CDYL2: variants seen among roughly 807,000 people sequenced by gnomAD.
The protein encoded by CDYL2 is chromodomain Y like 2.
A neutral mutation model predicts 49.4 loss-of-function variants in CDYL2; 23 were observed. The observed-to-expected ratio is 0.47, with a 90% CI of 0.34 to 0.66. The LOEUF (loss-of-function observed/expected upper bound fraction) is 0.66, where lower values mean the gene tolerates loss of function less well. CDYL2 is among the 30% of genes least tolerant of loss of function. The pLI is 0.01. For synonymous variants in CDYL2, 360 were observed against 268.8 expected (o/e 1.34, Z -3.32); for missense variants, 678 against 656.4 (o/e 1.03, Z -0.36).
chr16:80,665,952 G>A (rs1909244550), intron 2 of CDYL2, among the ~76,000 whole-genome samples: 1 of 151,916 alleles, frequency 6.6e-6, no homozygotes, highest in African/African-American at 2.4e-5. Context: ...AATATCCTAG[G>A]ATCAATGAAA....
At chr16:80,675,376 C>T (rs1328593217) in intron 2 of CDYL2, among the ~76,000 whole-genome samples, 1 of 152,204 alleles carries the variant, frequency 6.6e-6, no homozygotes, top group African/African-American at 2.4e-5. Context: ...TGTTGTTAAA[C>T]TGCTCCATCA....
At chr16:80,633,480 T>A (rs1436101229) in intron 2 of CDYL2, among the ~76,000 whole-genome samples, 1 of 152,180 alleles carries the variant, frequency 6.6e-6, no homozygotes, top group Admixed American at 6.5e-5. Flanking sequence ...GGTCCTCTAC[T>A]CTCTTCTCCC....
intron 1 of CDYL2, among the ~76,000 whole-genome samples, chr16:80,727,767 GCCT>G (rs944209744): frequency 3.3e-5 from 5 of 152,222 alleles, no homozygotes; most frequent in African/African-American, 1.2e-4. Flanking sequence ...TGGGCAGACT[GCCT>G]CCTCAAGTGG....
intron 2 of CDYL2, among the ~76,000 whole-genome samples, chr16:80,679,123 GA>G (rs1262326438): frequency 1.0e-5 from 1 of 97,738 alleles, no homozygotes; most frequent in African/African-American, 4.0e-5. Context: ...GGGGTGGGGG[GA>G]GGGGGGAGGG....
intron 1 of CDYL2, among the ~76,000 whole-genome samples, chr16:80,777,772 A>G (rs527932033): frequency 1.9e-4 from 29 of 152,240 alleles, no homozygotes; most frequent in Middle Eastern, 3.4e-3. Flanking sequence ...CATTCCAGAG[A>G]AAGCTTAGTT....
chr16:80,631,999 G>A (rs905122783), intron 3 of CDYL2, among the ~76,000 whole-genome samples: 1 of 152,074 alleles, frequency 6.6e-6, no homozygotes, highest in African/African-American at 2.4e-5. Flanking sequence ...CGAAAAATAC[G>A]GTAAGCAATA....
intron 1 of CDYL2, among the ~76,000 whole-genome samples, chr16:80,763,627 C>CA (rs965071113): frequency 4.1e-4 from 61 of 149,328 alleles, no homozygotes; most frequent in East Asian, 6.0e-4. Flanking sequence ...AAAAAAATAA[C>CA]AAAAAAAAAC....
intron 2 of CDYL2, among the ~76,000 whole-genome samples, chr16:80,677,933 AC>A (rs1474559083): frequency 6.6e-6 from 1 of 151,756 alleles, no homozygotes; most frequent in Non-Finnish European, 1.5e-5. Context: ...ATGGAACAGA[AC>A]AGAGCCCTCA....
chr16:80,732,387 C>T (rs540861013), intron 1 of CDYL2, among the ~76,000 whole-genome samples: 31 of 152,170 alleles, frequency 2.0e-4, no homozygotes, highest in African/African-American at 7.2e-4. Context: ...CCCTTTTAGT[C>T]ATCGTGTTGG....
chr16:80,660,086 C>A (rs1024370768), intron 2 of CDYL2, among the ~76,000 whole-genome samples: 5 of 151,482 alleles, frequency 3.3e-5, no homozygotes, highest in Non-Finnish European at 5.9e-5. Flanking sequence ...AATTTTATAC[C>A]CAGCTAAAGC....
At chr16:80,748,979 G>A (rs1011510538) in intron 1 of CDYL2, among the ~76,000 whole-genome samples, 2 of 152,080 alleles carry the variant, frequency 1.3e-5, no homozygotes, top group Admixed American at 6.5e-5. Flanking sequence ...CGAGAACATT[G>A]AGGATAGAAA....
Position 80,762,013 on chromosome 16 carries a change from C to A in CDYL2, c.24+42137G>T, listed in dbSNP as rs537772754. On this transcript the variant is annotated intron_variant, in intron 1 of 6. Coordinates refer to ENST00000570137, the MANE Select transcript of CDYL2 (RefSeq NM_152342.4). Reference sequence around the variant, plus strand: ...CTAGCCCAGGCAACATGGCAAAACCCCATCTCTACAAAAAATACAAAAATT... The same window carrying A: ...CTAGCCCAGGCAACATGGCAAAACCACATCTCTACAAAAAATACAAAAATT... Among the ~76,000 whole-genome samples, 19 of 151,648 alleles carry A rather than the reference C, an allele frequency of 1.3e-4. No homozygotes were observed. In the South Asian group the frequency reaches 4.0e-3, roughly 32 times the overall value.
chr16:80,794,257 G>C (rs958061143), intron 1 of CDYL2, among the ~76,000 whole-genome samples: 1 of 152,162 alleles, frequency 6.6e-6, no homozygotes, highest in African/African-American at 2.4e-5. Context: ...ATTACACCAT[G>C]TCTAGAACAT....
intron 5 of CDYL2, among the ~76,000 whole-genome samples, chr16:80,608,751 C>A (rs1180220805): frequency 6.6e-6 from 1 of 151,950 alleles, no homozygotes; most frequent in Non-Finnish European, 1.5e-5. Flanking sequence ...TGTGTCCCGG[C>A]CTGTGGAGAG....
At position 80,664,358 on chromosome 16, in the gene CDYL2, C is replaced by G. The variant is rs77900115; in HGVS notation, c.616+20180G>C. Reference sequence around the variant, plus strand: ...CTCCGGGGCCACTTGAAATGCTTCTCTTCCAGACAGCTGTCTCTTCCTCCC... The same window carrying G: ...CTCCGGGGCCACTTGAAATGCTTCTGTTCCAGACAGCTGTCTCTTCCTCCC... On this transcript the variant is annotated intron_variant, in intron 2 of 6. Coordinates refer to ENST00000570137, the MANE Select transcript of CDYL2 (RefSeq NM_152342.4). 9.0e-3 allele frequency among the ~76,000 whole-genome samples: 1,376 copies of G among 152,324 alleles called. 29 individuals carry two copies. The highest frequency in any genetic ancestry group is 0.032 in the African/African-American group (1,314 of 41,572).
rs1245799589 is a variant in CDYL2 at position 80,601,880 on chromosome 16, C to T, written c.*2508G>A. 6.6e-6 allele frequency: 1 copy of T among 152,140 alleles called. No individual in the cohort carries two copies. The highest frequency in any genetic ancestry group is 1.5e-5 in the Non-Finnish European group (1 of 68,016). 9.4% of individuals were successfully genotyped at this position (152,140 alleles called of 1,614,324 possible). ...ATTCCTACCTTAATCTTCAGAGATC[C>T]TTGAAATGTTTAGAAGTTTGGATTT... On this transcript the variant is annotated 3_prime_UTR_variant, in exon 7 of 7. Coordinates refer to ENST00000570137, the MANE Select transcript of CDYL2 (RefSeq NM_152342.4).
chr16:80,712,435 G>T (rs1184112215), intron 1 of CDYL2, among the ~76,000 whole-genome samples: 1 of 151,818 alleles, frequency 6.6e-6, no homozygotes, highest in Admixed American at 6.6e-5. Flanking sequence ...GTCCCTGGCT[G>T]CTCTCCATGT....
chr16:80,782,621 A>T (rs1283469846), intron 1 of CDYL2, among the ~76,000 whole-genome samples: 2 of 151,770 alleles, frequency 1.3e-5, no homozygotes. Flanking sequence ...AACCAAATTC[A>T]GCAGTATGTT....
At chr16:80,700,888 G>C (rs563330480) in intron 1 of CDYL2, among the ~76,000 whole-genome samples, 135 of 152,340 alleles carry the variant, frequency 8.9e-4, no homozygotes, top group Middle Eastern at 3.4e-3. Context: ...CCTATTTGTT[G>C]TCTTCCCTGC....
Sources: allele counts gnomAD v4.1 joint callset (sites outside exome capture counted in the v4.1 genomes callset), GRCh38; gene constraint gnomAD v4.1.1; transcripts MANE v1.5; gene names NCBI Gene and HGNC (gene_info 2026-07-23, HGNC 2026-07-21).